Variants in SFMBT2 observed in about 807,000 individuals in gnomAD.
SFMBT2 encodes the protein Scm like with four mbt domains 2, also known as scm-like with four MBT domains protein 2.
A neutral mutation model predicts 110.1 loss-of-function variants in SFMBT2; 38 were observed. The ratio of observed to expected loss-of-function variants is 0.35; its 90% confidence interval spans 0.27 to 0.45. SFMBT2 has a LOEUF of 0.45. Ranked by LOEUF, SFMBT2 falls within the 20% of genes least tolerant of loss-of-function variation. The pLI, the probability that SFMBT2 is intolerant of heterozygous loss-of-function variation, is 1.00. For missense variants in SFMBT2, 1,011 were observed against 1,094.9 expected (o/e 0.92, Z 1.08); for synonymous variants, 425 against 425.4 (o/e 1.00, Z 0.01).
In SFMBT2 at chr10:7,220,775, G is replaced by A. The variant is rs1293583634; in HGVS notation, c.1204-238C>T. Reference sequence around the variant, plus strand: ...AGGTGCCTAATACTATTTGTTAAACGAGTGAGAGTATGAATTCATTCTCTT... The same window carrying A: ...AGGTGCCTAATACTATTTGTTAAACAAGTGAGAGTATGAATTCATTCTCTT... On this transcript the variant is annotated intron_variant, in intron 10 of 20. Transcript: ENST00000397167. Among the ~76,000 whole-genome samples the A allele has an allele frequency of 2.6e-5, 4 of 151,830 alleles. No homozygotes were observed. In the East Asian group the frequency reaches 5.8e-4, roughly 22 times the overall value.
chr10:7,316,872 C>T (rs1476763639), intron 4 of SFMBT2, among the ~76,000 whole-genome samples: 1 of 125,864 alleles, frequency 7.9e-6, no homozygotes, highest in Admixed American at 7.8e-5. Context: ...TAACCTCCCT[C>T]CCCACACATA....
chr10:7,200,267 T>A, intron 14 of SFMBT2, 147 bp downstream of exon 14: 1 of 524,874 alleles, frequency 1.9e-6, no homozygotes, highest in Non-Finnish European at 3.1e-6. Flanking sequence ...TTTTAAAAAG[T>A]AGGTATCCGT....
At chr10:7,374,536 C>G (rs552198962) in intron 2 of SFMBT2, among the ~76,000 whole-genome samples, 1 of 152,122 alleles carries the variant, frequency 6.6e-6, no homozygotes, top group African/African-American at 2.4e-5. Flanking sequence ...AATTTTAATT[C>G]ATTACAACTA....
chr10:7,337,543 T>C (rs1326015466), intron 4 of SFMBT2, among the ~76,000 whole-genome samples: 1 of 152,170 alleles, frequency 6.6e-6, no homozygotes, highest in Admixed American at 6.5e-5. Flanking sequence ...CCCTTCTCTC[T>C]CTTCCTCTTT....
intron 3 of SFMBT2, among the ~76,000 whole-genome samples, chr10:7,368,779 A>C (rs927893606): frequency 1.3e-5 from 2 of 152,242 alleles, no homozygotes; most frequent in Admixed American, 1.3e-4. Flanking sequence ...CTTAAGATAT[A>C]AATGTTACAA....
chr10:7,324,961 C>CTTTTTTTTTT (rs869253757), intron 4 of SFMBT2, among the ~76,000 whole-genome samples: 1 of 92,138 alleles, frequency 1.1e-5, no homozygotes, highest in Non-Finnish European at 2.0e-5. Context: ...AGAGGCCCCA[C>CTTTTTTTTTT]TTTTTTTTTT....
intron 9 of SFMBT2, among the ~76,000 whole-genome samples, chr10:7,228,707 CTTTCTT>C (rs1839983022): frequency 7.5e-6 from 1 of 134,174 alleles, no homozygotes; most frequent in African/African-American, 2.9e-5. Flanking sequence ...TTCTTTCTTT[CTTTCTT>C]TCTTTCTTTC....
At chr10:7,359,243 A>G (rs1461363182) in intron 4 of SFMBT2, among the ~76,000 whole-genome samples, 1 of 152,176 alleles carries the variant, frequency 6.6e-6, no homozygotes, top group African/African-American at 2.4e-5. Context: ...GTCCACCCAG[A>G]GCAGGAACGG....
At chr10:7,351,117 T>G (rs940523906) in intron 4 of SFMBT2, among the ~76,000 whole-genome samples, 7 of 152,232 alleles carry the variant, frequency 4.6e-5, no homozygotes, top group African/African-American at 1.7e-4. Context: ...TTCCAACATG[T>G]GCTGGGCTTC....
At chr10:7,368,293 GGACCACAT>G in intron 3 of SFMBT2, 1 of 978,868 alleles carries the variant, frequency 1.0e-6, no homozygotes, top group African/African-American at 1.7e-5. Flanking sequence ...AGGACTCACA[GGACCACAT>G]GATAGGGGCT....
At chr10:7,329,523 T>C in intron 4 of SFMBT2, 2 of 985,448 alleles carry the variant, frequency 2.0e-6, no homozygotes, top group Non-Finnish European at 2.4e-6. Context: ...GTGCTGCTGC[T>C]GCTGCAGGTA....
rs1367258458 is a variant in SFMBT2, at chr10:7,172,334, A to G, written c.2151+161T>C. 1.4e-5 allele frequency: 14 copies of G among 985,300 alleles called. No homozygotes were observed. Among genetic ancestry groups the G allele is most frequent in the Non-Finnish European group, 1.2e-5 (10 of 829,804 alleles). 61.0% of individuals were successfully genotyped at this position (985,300 alleles called of 1,614,324 possible). ...CCCAGCCAAAGCAGCTGGACACACT[A>G]CATTTGTTTTCAGCAAGTAAGGAGG... On this transcript the variant is annotated intron_variant, in intron 18 of 20. Coordinates refer to ENST00000397167, the MANE Select transcript of SFMBT2 (RefSeq NM_001387889.1). This position sits in a 1 kb window ranked among gnomAD's most constrained non-coding sequence, Gnocchi z 4.6.
intron 4 of SFMBT2, among the ~76,000 whole-genome samples, chr10:7,334,092 C>T (rs577843792): frequency 6.5e-4 from 99 of 152,312 alleles, no homozygotes; most frequent in African/African-American, 2.2e-3. Flanking sequence ...CCTCCGACAA[C>T]AGGGAGTTCA....
intron 16 of SFMBT2, among the ~76,000 whole-genome samples, chr10:7,177,469 C>T (rs906931103): frequency 2.0e-5 from 3 of 152,072 alleles, no homozygotes; most frequent in African/African-American, 2.4e-5. Flanking sequence ...AGCCATAACC[C>T]CCGATAGGAC....
intron 1 of SFMBT2, among the ~76,000 whole-genome samples, chr10:7,394,179 A>C (rs1158521616): frequency 1.3e-5 from 2 of 151,990 alleles, no homozygotes; most frequent in Non-Finnish European, 2.9e-5. Flanking sequence ...GGGTTTCACC[A>C]TGTTGCCCAG....
chr10:7,320,422 A>T (rs1185549671), intron 4 of SFMBT2: 22 of 202,756 alleles, frequency 1.1e-4, no homozygotes, highest in Non-Finnish European at 1.8e-4. Flanking sequence ...CAAGAGAACC[A>T]GGGCAGAGAT....
At chr10:7,288,000 CAACCA>C (rs1842147099) in intron 4 of SFMBT2, among the ~76,000 whole-genome samples, 1 of 152,178 alleles carries the variant, frequency 6.6e-6, no homozygotes, top group Non-Finnish European at 1.5e-5. Context: ...AGGTACACAC[CAACCA>C]ATTAATATTA....
intron 1 of SFMBT2, among the ~76,000 whole-genome samples, chr10:7,390,915 C>T (rs1845744927): frequency 6.6e-6 from 1 of 152,132 alleles, no homozygotes; most frequent in Non-Finnish European, 1.5e-5. Context: ...GCCTGACCAA[C>T]ATGGTGAAAC....
At chr10:7,164,782 CACACACACA>C (rs1564361609) in intron 20 of SFMBT2, among the ~76,000 whole-genome samples, 16 of 148,010 alleles carry the variant, frequency 1.1e-4, no homozygotes, top group African/African-American at 2.4e-4. Flanking sequence ...CACACACACA[CACACACACA>C]CCATTTACAG....
Sources: gnomAD v4.1 joint callset for allele counts (sites outside exome capture counted in the v4.1 genomes callset) on GRCh38, gnomAD v4.1.1 for gene constraint, Gnocchi (gnomAD v3.1) non-coding constraint, MANE v1.5 for transcripts, NCBI Gene and HGNC (gene_info 2026-07-23, HGNC 2026-07-21) for gene names.